Variants in XRN1 observed in about 807,000 individuals in gnomAD.
XRN1 encodes the protein strand-exchange protein 1 homolog.
In XRN1, 67 loss-of-function variants were observed where a neutral mutation model predicts 222.3. The observed-to-expected ratio is 0.30, with a 90% CI of 0.25 to 0.37. The LOEUF (loss-of-function observed/expected upper bound fraction) is 0.37. XRN1 is among the 10% of genes least tolerant of loss of function. XRN1 has a pLI of 1.00. For missense variants in XRN1, 1,707 were observed against 2,000.2 expected (o/e 0.85, Z 2.80); for synonymous variants, 643 against 652.4 (o/e 0.99, Z 0.22).
chr3:142,422,975 G>A, intron 6 of XRN1, 53 bp from the exon 7 acceptor site: 1 of 1,370,806 alleles, frequency 7.3e-7, no homozygotes, highest in East Asian at 2.3e-5. Context: ...TAAGGTCCCA[G>A]CTTAAAAATG....
chr3:142,434,974 G>T (rs2069807569), intron 1 of XRN1: 2 of 152,190 alleles, frequency 1.3e-5, no homozygotes, highest in South Asian at 4.1e-4. Flanking sequence ...GGAAAAGCCA[G>T]AAATCATAAA....
intron 37 of XRN1, among the ~76,000 whole-genome samples, chr3:142,322,000 T>C (rs929319488): frequency 5.3e-5 from 8 of 152,214 alleles, no homozygotes; most frequent in Non-Finnish European, 8.8e-5. Flanking sequence ...CTTCCATTAC[T>C]GTGCTGAATA....
intron 1 of XRN1, among the ~76,000 whole-genome samples, chr3:142,444,257 C>A (rs938851675): frequency 1.3e-5 from 2 of 152,080 alleles, no homozygotes; most frequent in African/African-American, 2.4e-5. Flanking sequence ...TCAGAGTGGG[C>A]AACATGGCAA....
chr3:142,404,766 A>G, intron 16 of XRN1, 141 bp downstream of exon 16: 1 of 742,754 alleles, frequency 1.3e-6, no homozygotes, highest in Non-Finnish European at 2.2e-6. Context: ...GATGTAACTC[A>G]TTGATTATCA....
chr3:142,366,179 T>C (rs1225843593), intron 27 of XRN1, among the ~76,000 whole-genome samples: 1 of 152,188 alleles, frequency 6.6e-6, no homozygotes, highest in African/African-American at 2.4e-5. Context: ...TTTATATCCT[T>C]TACAATTTAT....
chr3:142,424,139 A>G (rs1038962416), intron 5 of XRN1, among the ~76,000 whole-genome samples: 37 of 151,758 alleles, frequency 2.4e-4, no homozygotes, highest in African/African-American at 9.0e-4. Context: ...TCTGTTGCCC[A>G]GGCTGGAGCA....
intron 15 of XRN1, among the ~76,000 whole-genome samples, 175 bp downstream of exon 15, chr3:142,412,369 C>T (rs2068618575): frequency 6.6e-6 from 1 of 152,188 alleles, no homozygotes; most frequent in Non-Finnish European, 1.5e-5. Flanking sequence ...AGTAAAGCCA[C>T]TTCAGCCTTA....
intron 36 of XRN1, among the ~76,000 whole-genome samples, chr3:142,330,403 T>C (rs141673201): frequency 1.6e-4 from 25 of 152,276 alleles, no homozygotes; most frequent in African/African-American, 6.0e-4. Context: ...ATTCTGAGTG[T>C]TCACATTCTT....
At chr3:142,380,614 C>A (rs1160774247) in intron 22 of XRN1, among the ~76,000 whole-genome samples, 1 of 151,898 alleles carries the variant, frequency 6.6e-6, no homozygotes, top group East Asian at 1.9e-4. Flanking sequence ...TTGGTCTCCC[C>A]AAAGTGGTAA....
rs774007877 is a variant in XRN1 at position 142,359,919 on chromosome 3, G to T, written c.3407C>A (p.Ala1136Asp). ...IIGIKGANRE[A>D]DVLFEVLFDE... ...AAATAATACTTCAAATAGTACATCG[G>T]CTTCTCTATTAGCTGTTACAATAGG... The change falls in exon 30 of 41, where the codon GCC becomes GAC. Residue 1136 changes from alanine (A) to aspartate (D), a missense_variant. By Grantham distance (126) the Ala-to-Asp change is moderately radical. Transcript: ENST00000392981. 2.5e-6 allele frequency: 4 copies of T among 1,601,140 alleles called. No individual in the cohort carries two copies. The highest frequency in any genetic ancestry group is 2.7e-5 in the African/African-American group (2 of 74,412).
intron 18 of XRN1, 101 bp from the exon 19 acceptor site, chr3:142,400,648 A>G: frequency 6.8e-6 from 6 of 878,644 alleles, no homozygotes; most frequent in Non-Finnish European, 7.0e-6. Flanking sequence ...TTTAAATTCT[A>G]AAATAAACAA....
intron 10 of XRN1, among the ~76,000 whole-genome samples, chr3:142,419,340 C>CA (rs966540235): frequency 3.9e-5 from 6 of 152,106 alleles, no homozygotes; most frequent in Admixed American, 3.9e-4. Flanking sequence ...AAAAGACACA[C>CA]ACACACACAC....
chr3:142,423,425 G>A, intron 6 of XRN1, 135 bp downstream of exon 6: 1 of 522,024 alleles, frequency 1.9e-6, no homozygotes. Flanking sequence ...AAACGTTTGT[G>A]CATCAAAGGA....
At chr3:142,319,027 T>C in intron 37 of XRN1, 124 bp from the exon 38 acceptor site, 2 of 830,000 alleles carry the variant, frequency 2.4e-6, no homozygotes, top group South Asian at 2.2e-5. Context: ...TCAGTTCAAG[T>C]TTTCAATTGC....
intron 5 of XRN1, among the ~76,000 whole-genome samples, chr3:142,424,156 C>T (rs1250428053): frequency 1.3e-5 from 2 of 151,966 alleles, no homozygotes; most frequent in South Asian, 2.1e-4. Context: ...AGCAGTGGCG[C>T]GATCTTGGCT....
chr3:142,387,294 A>G (rs1267705146), intron 20 of XRN1, among the ~76,000 whole-genome samples: 1 of 152,220 alleles, frequency 6.6e-6, no homozygotes, highest in African/African-American at 2.4e-5. Flanking sequence ...TTACAAGTCA[A>G]AATGGTTATC....
chr3:142,407,023 G>C (rs1010375068), intron 15 of XRN1, among the ~76,000 whole-genome samples: 2 of 152,168 alleles, frequency 1.3e-5, no homozygotes, highest in African/African-American at 4.8e-5. Flanking sequence ...CTTGAAAACA[G>C]TGAGAACGCA....
At chr3:142,312,850 T>C (rs1315234863) in intron 39 of XRN1, 92 bp from the exon 40 acceptor site, 18 of 1,250,678 alleles carry the variant, frequency 1.4e-5, no homozygotes, top group Non-Finnish European at 1.4e-5. Flanking sequence ...CTTTTTGGGC[T>C]TTTTTTTTCC....
At chr3:142,391,478 C>G (rs2067708782) in intron 20 of XRN1, among the ~76,000 whole-genome samples, 1 of 151,988 alleles carries the variant, frequency 6.6e-6, no homozygotes, top group African/African-American at 2.4e-5. Flanking sequence ...CTTGTAATTC[C>G]AAGTACTCCA....
Sources: allele counts gnomAD v4.1 joint callset (sites outside exome capture counted in the v4.1 genomes callset), GRCh38; gene constraint gnomAD v4.1.1; transcripts MANE v1.5; gene names NCBI Gene and HGNC (gene_info 2026-07-23, HGNC 2026-07-21).